The following DENND1A variants were observed in gnomAD, a reference collection of about 807,000 sequenced individuals.
DENND1A encodes DENN domain-containing protein 1A.
Under a neutral mutation model 113.7 loss-of-function variants are expected in DENND1A, and 51 were observed. The ratio of observed to expected loss-of-function variants is 0.45; its 90% CI spans 0.36 to 0.57. The LOEUF is 0.57. Ranked by LOEUF, DENND1A falls within the 20% of genes least tolerant of loss-of-function variation. The pLI is 0.00. For synonymous variants in DENND1A, 565 were observed against 570.8 expected (o/e 0.99, Z 0.14); for missense variants, 1,258 against 1,395.9 (o/e 0.90, Z 1.57).
intron 3 of DENND1A, among the ~76,000 whole-genome samples, chr9:123,788,339 G>C (rs1057421601): frequency 1.3e-5 from 2 of 151,960 alleles, no homozygotes; most frequent in African/African-American, 4.8e-5. Flanking sequence ...ATTAATAAAG[G>C]CTCATGTTTT....
chr9:123,716,950 T>A (rs530702398), intron 5 of DENND1A, among the ~76,000 whole-genome samples: 1 of 152,354 alleles, frequency 6.6e-6, no homozygotes, highest in South Asian at 2.1e-4. Context: ...ATGACTAATC[T>A]AGTTTTTAAG....
intron 12 of DENND1A, among the ~76,000 whole-genome samples, chr9:123,557,991 C>CAAA (rs111968520): frequency 7.2e-6 from 1 of 138,490 alleles, no homozygotes; most frequent in African/African-American, 2.6e-5. Context: ...AACTCAGTCT[C>CAAA]AAAAAAAAAA....
At chr9:123,914,323 G>A (rs1854648843) in intron 1 of DENND1A, among the ~76,000 whole-genome samples, 1 of 151,836 alleles carries the variant, frequency 6.6e-6, no homozygotes, top group African/African-American at 2.4e-5. Flanking sequence ...TGGATCACGA[G>A]GTCAGGAGAT....
At chr9:123,628,943 C>T (rs1217009526) in intron 10 of DENND1A, among the ~76,000 whole-genome samples, 1 of 152,212 alleles carries the variant, frequency 6.6e-6, no homozygotes, top group Non-Finnish European at 1.5e-5. Flanking sequence ...CAGGCCCATT[C>T]ACTTACTGCT....
intron 11 of DENND1A, among the ~76,000 whole-genome samples, chr9:123,603,537 G>T (rs997347298): frequency 6.6e-6 from 1 of 152,160 alleles, no homozygotes; most frequent in African/African-American, 2.4e-5. Context: ...CTAGGTAAAA[G>T]ATGGTGAAAG....
At chr9:123,585,767 G>A (rs1032791866) in intron 11 of DENND1A, among the ~76,000 whole-genome samples, 5 of 152,144 alleles carry the variant, frequency 3.3e-5, no homozygotes, top group African/African-American at 1.2e-4. Context: ...AGTAACTGAG[G>A]CTCCAAGAAG....
chr9:123,551,982 AGAGAGAGAGC>A lies in DENND1A; in HGVS notation c.993+5578_993+5587del, dbSNP rs201646368. Among the ~76,000 whole-genome samples, 429 of 151,364 alleles carry A rather than the reference AGAGAGAGAGC, an allele frequency of 2.8e-3. 2 individuals carry two copies. Among genetic ancestry groups the A allele is most frequent in the South Asian group, 0.016 (75 of 4,760 alleles). Reference sequence around the variant, plus strand: ...ATTCTGAATTTTTTCATTAGGAAAGAGAGAGAGAGCGAGAGAGAGCGAGAGAGAGCGAGAG... The same window carrying A: ...ATTCTGAATTTTTTCATTAGGAAAGAGAGAGAGAGCGAGAGAGAGCGAGAG... On this transcript the variant is annotated intron_variant, in intron 13 of 23. Coordinates refer to ENST00000394215, the MANE Select transcript of DENND1A (RefSeq NM_001352964.2).
chr9:123,380,780 A>G lies in DENND1A; in HGVS notation c.*652T>C. The G allele has an allele frequency of 6.5e-6, 1 of 152,804 alleles. No individual in the cohort carries two copies. Among genetic ancestry groups the G allele is most frequent in the African/African-American group, 2.4e-5 (1 of 41,568 alleles). The allele number at this position is 152,804 out of a possible 1,614,324, so 9.5% of individuals were successfully genotyped here. ...TGCAGGGTGGCTGGGGCTGTGTATC[A>G]CAAGGCAGCCCAAGACCCCCTGGTC... On this transcript the variant is annotated 3_prime_UTR_variant, in exon 24 of 24. Transcript: ENST00000394215.
At chr9:123,436,084 C>G (rs754536616) in intron 19 of DENND1A, among the ~76,000 whole-genome samples, 1 of 152,238 alleles carries the variant, frequency 6.6e-6, no homozygotes, top group Non-Finnish European at 1.5e-5. Context: ...CTCACTCACT[C>G]CTTCTATAGC....
At chr9:123,723,428 A>G (rs1227003919) in intron 5 of DENND1A, among the ~76,000 whole-genome samples, 1 of 152,178 alleles carries the variant, frequency 6.6e-6, no homozygotes, top group Admixed American at 6.5e-5. Flanking sequence ...AAATGTGAAT[A>G]CATGAGATTT....
intron 1 of DENND1A, among the ~76,000 whole-genome samples, chr9:123,904,278 C>T (rs1021609765): frequency 6.6e-6 from 1 of 151,810 alleles, no homozygotes; most frequent in African/African-American, 2.4e-5. Flanking sequence ...AAAAACAGAA[C>T]AGAAAAACTG....
Position 123,381,366 on chromosome 9 carries a change from G to A in DENND1A, c.*66C>T, listed in dbSNP as rs2042256288. The A allele has an allele frequency of 1.4e-6, 2 of 1,423,812 alleles. No homozygotes were observed. Among genetic ancestry groups the A allele is most frequent in the African/African-American group, 1.4e-5 (1 of 70,936 alleles). 88.2% of individuals were successfully genotyped at this position (1,423,812 alleles called of 1,614,324 possible). ...TGGGCAGAGAGAGAGTGGCGGGGGAGCCTCGGAACCGCAGCAGTGGACGGA... is the reference window on the plus strand; with the variant it reads ...TGGGCAGAGAGAGAGTGGCGGGGGAACCTCGGAACCGCAGCAGTGGACGGA... On this transcript the variant is annotated 3_prime_UTR_variant, in exon 24 of 24. Transcript: ENST00000394215. This position sits in a 1 kb window ranked among gnomAD's most constrained non-coding sequence, Gnocchi z 4.7.
chr9:123,565,854 T>C (rs945583401), intron 12 of DENND1A, among the ~76,000 whole-genome samples: 2 of 152,134 alleles, frequency 1.3e-5, no homozygotes, highest in African/African-American at 4.8e-5. Flanking sequence ...AACACCCTAG[T>C]CTCTTTCCCA....
intron 2 of DENND1A, among the ~76,000 whole-genome samples, chr9:123,862,947 C>T (rs536203436): frequency 6.6e-6 from 1 of 152,312 alleles, no homozygotes; most frequent in East Asian, 1.9e-4. Context: ...ACCTCAACTG[C>T]AAATACATCA....
chr9:123,607,488 G>GAC (rs10557656), intron 11 of DENND1A, among the ~76,000 whole-genome samples: 1,154 of 70,918 alleles, frequency 0.016, 16 homozygotes, highest in African/African-American at 0.036. Context: ...CAGAGAGAGA[G>GAC]ACACACACAC....
rs563580073 is a variant in DENND1A at position 123,468,980 on chromosome 9, G to A, written c.994-11083C>T. Among the ~76,000 whole-genome samples, 191 of 152,254 alleles carry A rather than the reference G, an allele frequency of 1.3e-3. 3 individuals are homozygous for A. Among genetic ancestry groups the A allele is most frequent in the Middle Eastern group, 0.01 (3 of 294 alleles). On this transcript the variant is annotated intron_variant, in intron 13 of 23. Coordinates refer to ENST00000394215, the MANE Select transcript of DENND1A (RefSeq NM_001352964.2). ...TGAAGCACATTGCCTAAGGTCCCAG[G>A]GCTCATGGTCTAATGACCCCTGAGC... is the stretch of plus-strand genomic sequence containing the variant.
intron 2 of DENND1A, among the ~76,000 whole-genome samples, chr9:123,837,650 A>C (rs181560462): frequency 1.3e-5 from 2 of 152,314 alleles, no homozygotes; most frequent in Admixed American, 1.3e-4. Context: ...CTAAAAGCAC[A>C]ATTTGGGAGC....
At chr9:123,620,753 A>C (rs751110179) in intron 10 of DENND1A, among the ~76,000 whole-genome samples, 1 of 152,134 alleles carries the variant, frequency 6.6e-6, no homozygotes, top group Non-Finnish European at 1.5e-5. Context: ...CTTCTGTCTG[A>C]AACTAAATTC....
chr9:123,639,535 T>G (rs1025333862), intron 9 of DENND1A, among the ~76,000 whole-genome samples: 1 of 150,656 alleles, frequency 6.6e-6, no homozygotes, highest in Admixed American at 6.6e-5. Flanking sequence ...CCCAGCACTT[T>G]GGGAGGCTGA....
Sources: allele counts gnomAD v4.1 joint callset (sites outside exome capture counted in the v4.1 genomes callset), GRCh38; gene constraint gnomAD v4.1.1; non-coding constraint Gnocchi (gnomAD v3.1); transcripts MANE v1.5; gene names NCBI Gene and HGNC (gene_info 2026-07-23, HGNC 2026-07-21).